The following BCL9L variants were observed in gnomAD, a reference collection of about 807,000 sequenced individuals.
BCL9L encodes B-cell CLL/lymphoma 9-like protein.
Under a neutral mutation model 99.4 loss-of-function variants are expected in BCL9L, and 19 were observed. The observed-to-expected ratio is 0.19, with a 90% CI of 0.13 to 0.28. The LOEUF is 0.28. Among genes scored for constraint, BCL9L ranks in the 10% least tolerant of loss-of-function variants. BCL9L has a pLI of 1.00. For synonymous variants in BCL9L, 900 were observed against 854.8 expected (o/e 1.05, Z -0.92); for missense variants, 2,023 against 2,101.6 (o/e 0.96, Z 0.73).
At chr11:118,920,859 A>G (rs1012413125) in intron 1 of BCL9L, among the ~76,000 whole-genome samples, 1 of 152,208 alleles carries the variant, frequency 6.6e-6, no homozygotes, top group African/African-American at 2.4e-5. Context: ...AAACTTCCCT[A>G]TCAAAGGGCA....
Position 118,914,971 on chromosome 11 carries a change from A to G in BCL9L, c.-77+3855T>C, listed in dbSNP as rs1940920547. On this transcript the variant is annotated intron_variant, in intron 2 of 9. Coordinates refer to ENST00000683865, the MANE Select transcript of BCL9L (RefSeq NM_001378213.1). This position sits in a 1 kb window ranked among gnomAD's most constrained non-coding sequence, Gnocchi z 4.4. ...GCCATGATGGTGAAACCCTGTCTCT[A>G]CTACAAACACAAAAATTATCCAGAC... 6.6e-6 allele frequency among the ~76,000 whole-genome samples: 1 copy of G among 152,188 alleles called. No individual in the cohort carries two copies. Among genetic ancestry groups the G allele is most frequent in the South Asian group, 2.1e-4 (1 of 4,828 alleles).
In BCL9L at chr11:118,908,772, G is replaced by A. The variant is rs569620836; in HGVS notation, c.27-117C>T. ...ATGGGGGAGGGTGGGGGGAAGGGGT[G>A]GTATCTCAAGACCACCACCAGCTAT... On this transcript the variant is annotated intron_variant, in intron 3 of 9. Transcript: ENST00000683865. 2.3e-5 allele frequency: 18 copies of A among 784,680 alleles called. No homozygotes were observed. The East Asian group carries it at 4.3e-4, about 19-fold the overall frequency. The allele number at this position is 784,680 out of a possible 1,614,324, so 48.6% of individuals were successfully genotyped here. A position where few individuals can be genotyped will look rare whatever the true frequency, so the allele number is the denominator to read the frequency against.
In BCL9L at chr11:118,902,656, T is replaced by C; in HGVS notation, c.1087A>G (p.Asn363Asp). The C allele has an allele frequency of 6.3e-7, 1 of 1,599,030 alleles. No homozygotes were observed. The highest frequency in any genetic ancestry group is 8.5e-7 in the Non-Finnish European group (1 of 1,179,632). Reference sequence around the variant, plus strand: ...GGGTCTCCTCCAGGAGGCAGAGGGTTGTTGGCGGTGGTAGCCGTCGGGGTG... The same window carrying C: ...GGGTCTCCTCCAGGAGGCAGAGGGTCGTTGGCGGTGGTAGCCGTCGGGGTG... ...PNTPTATTAN[N>D]PLPPGGDPSS... The change falls in exon 8 of 10, where the codon AAC (asparagine) becomes GAC (aspartate). Residue 363 changes from asparagine to aspartate, a missense_variant. By Grantham distance (23) the Asn-to-Asp change is conservative. This residue lies in a region of BCL9L where 1,116 missense variants were observed against 1,194.6 expected (regional missense o/e 0.93). Transcript: ENST00000683865. The surrounding 1 kb of genome is among the most constrained non-coding windows in gnomAD (Gnocchi z 7.8).
chr11:118,898,868 G>A lies in BCL9L; in HGVS notation c.4047C>T (p.Pro1349=). 4.3e-6 allele frequency: 7 copies of A among 1,614,094 alleles called. No individual in the cohort carries two copies. The highest frequency in any genetic ancestry group is 2.2e-5 in the South Asian group (2 of 91,088). The change falls in exon 10 of 10, where the codon CCC becomes CCT. Residue 1349 remains proline (P), a synonymous_variant. Coordinates refer to ENST00000683865, the MANE Select transcript of BCL9L (RefSeq NM_001378213.1). ...LQYFPKSENQ[P]PKAQPPNLHL... ...GCAGATTAGGGGGCTGAGCCTTGGGGGGCTGGTTCTCGCTCTTGGGGAAGT... is the reference window on the plus strand; with the variant it reads ...GCAGATTAGGGGGCTGAGCCTTGGGAGGCTGGTTCTCGCTCTTGGGGAAGT...
rs1940084467 is a variant in BCL9L at position 118,899,197 on chromosome 11, C to T, written c.3718G>A (p.Ala1240Thr). The change falls in exon 10 of 10, where the codon GCC becomes ACC. Residue 1240 changes from alanine to threonine, a missense_variant. By Grantham distance (58) the Ala-to-Thr change is moderately conservative. Around this residue, in one of 3 missense-constraint regions of BCL9L, gnomAD observed 902 missense variants for 888.2 expected, o/e 1.02. Transcript: ENST00000683865. Reference protein sequence around the residue: ...PRLQQPHGAMAPTGGGGGGPG... With the variant: ...PRLQQPHGAMTPTGGGGGGPG... ...CCCCCGCCCCCACCCCCAGTGGGGG[C>T]CATGGCACCATGGGGCTGCTGCAGC... 1.3e-6 allele frequency: 2 copies of T among 1,493,980 alleles called. No individual in the cohort carries two copies. The highest frequency in any genetic ancestry group is 1.8e-6 in the Non-Finnish European group (2 of 1,121,292). The allele number at this position is 1,493,980 out of a possible 1,614,324, so 92.5% of individuals were successfully genotyped here.
In BCL9L at chr11:118,900,836, C is replaced by T. The variant is rs142602207; in HGVS notation, c.2907G>A (p.Pro969=). The part of the protein sequence containing the change: ...SQMVPLPSAN[P]PGPLKSPQVL... Reference sequence around the variant, plus strand: ...CCTGGGGCGACTTGAGAGGTCCTGGCGGGTTGGCAGAAGGCAAGGGCACCA... The same window carrying T: ...CCTGGGGCGACTTGAGAGGTCCTGGTGGGTTGGCAGAAGGCAAGGGCACCA... Residue 969 remains proline, a synonymous_variant, in exon 8 of 10, where the codon CCG becomes CCA. Transcript: ENST00000683865. This position sits in a 1 kb window ranked among gnomAD's most constrained non-coding sequence, Gnocchi z 5.3. 33 of 1,612,910 alleles carry T rather than the reference C, an allele frequency of 2.0e-5. No homozygotes were observed. Among genetic ancestry groups the T allele is most frequent in the South Asian group, 1.8e-4 (16 of 91,052 alleles).
In BCL9L at chr11:118,925,107, C is replaced by T. The variant is rs1469243470; in HGVS notation, c.-131+131G>A. ...GGGGAGTCCCCCACACCTTAAACAG[C>T]CTGGGGGTACGTGCCAGAGAGCAAG... On this transcript the variant is annotated intron_variant, in intron 1 of 9. Coordinates refer to ENST00000683865, the MANE Select transcript of BCL9L (RefSeq NM_001378213.1). This position sits in a 1 kb window ranked among gnomAD's most constrained non-coding sequence, Gnocchi z 6.4. The T allele has an allele frequency of 6.6e-6, 1 of 152,380 alleles. No homozygotes were observed. The highest frequency in any genetic ancestry group is 1.5e-5 in the Non-Finnish European group (1 of 68,156). The allele number at this position is 152,380 out of a possible 1,614,324, so 9.4% of individuals were successfully genotyped here. A position where few individuals can be genotyped will look rare whatever the true frequency, so the allele number is the denominator to read the frequency against.
rs755771712 is a variant in BCL9L at position 118,901,154 on chromosome 11, C to A, written c.2589G>T (p.Met863Ile). ...QGPYQAMSQDMGNTQDMFSPD... is the reference protein window; with the variant it reads ...QGPYQAMSQDIGNTQDMFSPD... ...GGCTGAACATGTCTTGGGTATTGCCCATGTCCTGGGACATGGCTTGGTAGG... is the reference window on the plus strand; with the variant it reads ...GGCTGAACATGTCTTGGGTATTGCCAATGTCCTGGGACATGGCTTGGTAGG... The change falls in exon 8 of 10, where the codon ATG becomes ATT. Residue 863 changes from methionine to isoleucine, a missense_variant. Met to Ile is a conservative substitution (Grantham distance 10). Around this residue, in one of 3 missense-constraint regions of BCL9L, gnomAD observed 902 missense variants for 888.2 expected, o/e 1.02. Coordinates refer to ENST00000683865, the MANE Select transcript of BCL9L (RefSeq NM_001378213.1). The surrounding 1 kb of genome is among the most constrained non-coding windows in gnomAD (Gnocchi z 6.6). The A allele has an allele frequency of 6.2e-6, 10 of 1,613,854 alleles. No homozygotes were observed. The Admixed American group carries it at 1.5e-4, about 24-fold the overall frequency.
In BCL9L at chr11:118,899,172, C is replaced by T. The variant is rs772250366; in HGVS notation, c.3743G>A (p.Gly1248Glu). 1.3e-6 allele frequency: 2 copies of T among 1,482,398 alleles called. No individual in the cohort carries two copies. The highest frequency in any genetic ancestry group is 2.8e-5 in the South Asian group (2 of 72,036). The allele number at this position is 1,482,398 out of a possible 1,614,324, so 91.8% of individuals were successfully genotyped here. Residue 1248 changes from glycine to glutamate, a missense_variant, in exon 10 of 10, where the codon GGG becomes GAG. Gly to Glu is a moderately conservative substitution (Grantham distance 98). This residue lies in a region of BCL9L where 902 missense variants were observed against 888.2 expected (regional missense o/e 1.02). Transcript: ENST00000683865. ...CGGGTAGTGCTGCTGCAGGCCAGGC[C>T]CCCCGCCCCCACCCCCAGTGGGGGC... ...AMAPTGGGGG[G>E]PGLQQHYPSG...
In BCL9L at chr11:118,903,370, G is replaced by A. The variant is rs774782554; in HGVS notation, c.615C>T (p.Ser205=). The A allele has an allele frequency of 1.5e-5, 24 of 1,608,772 alleles. No individual in the cohort carries two copies. The highest frequency in any genetic ancestry group is 6.7e-5 in the East Asian group (3 of 44,750). ...GAGGGCCGTGCGGGGCGCCTGGCAC[G>A]CTGCTCTCGCTGAGGGGCAGTTGGG... is the stretch of plus-strand genomic sequence containing the variant. ...QTTQLPLSES[S]VPGAPHGPPP... The change falls in exon 6 of 10, where the codon AGC becomes AGT. Residue 205 remains serine, a synonymous_variant. Transcript: ENST00000683865. The surrounding 1 kb of genome is among the most constrained non-coding windows in gnomAD (Gnocchi z 5.6).
chr11:118,901,315 G>T lies in BCL9L; in HGVS notation c.2428C>A (p.Gln810Lys), dbSNP rs1940222695. 1 of 1,613,506 alleles carries T rather than the reference G, an allele frequency of 6.2e-7. No individual in the cohort carries two copies. Among genetic ancestry groups the T allele is most frequent in the Non-Finnish European group, 8.5e-7 (1 of 1,179,920 alleles). ...MRGPGDLMGP[Q>K]GLSPEEMARV... ...GCCATCTCCTCAGGACTGAGGCCCT[G>T]GGGCCCCATCAAGTCCCCAGGGCCC... is the stretch of plus-strand genomic sequence containing the variant. Residue 810 changes from glutamine (Q) to lysine (K), a missense_variant, in exon 8 of 10, where the codon CAG becomes AAG. Coordinates refer to ENST00000683865, the MANE Select transcript of BCL9L (RefSeq NM_001378213.1). This position sits in a 1 kb window ranked among gnomAD's most constrained non-coding sequence, Gnocchi z 6.6.
intron 4 of BCL9L, 61 bp downstream of exon 4, chr11:118,908,209 G>T: frequency 2.0e-6 from 3 of 1,506,054 alleles, no homozygotes. Context: ...TGATCTCCCA[G>T]AACATCTGAG....
At position 118,902,441 on chromosome 11, in the gene BCL9L, G is replaced by A. The variant is rs1470851520; in HGVS notation, c.1302C>T (p.Pro434=). 1.3e-6 allele frequency: 2 copies of A among 1,597,274 alleles called. No homozygotes were observed. The highest frequency in any genetic ancestry group is 1.1e-5 in the South Asian group (1 of 89,230). The part of the protein sequence containing the change: ...SGETEPFLKG[P]PGGAGEGGPP... ...GGCCCCCCTCACCCGCTCCTCCTGG[G>A]GGCCCCTTGAGGAAGGGCTCAGTCT... The change falls in exon 8 of 10, where the codon CCC becomes CCT. Residue 434 remains proline, a synonymous_variant. Coordinates refer to ENST00000683865, the MANE Select transcript of BCL9L (RefSeq NM_001378213.1). The surrounding 1 kb of genome is among the most constrained non-coding windows in gnomAD (Gnocchi z 7.8).
At chr11:118,910,075 A>G in intron 2 of BCL9L, 60 bp from the exon 3 acceptor site, 4 of 1,170,836 alleles carry the variant, frequency 3.4e-6, no homozygotes, top group Admixed American at 2.1e-5. Context: ...TCAGAGGGGG[A>G]GGGGAGAAGG....
rs1260502537 is a variant in BCL9L at position 118,901,269 on chromosome 11, C to G, written c.2474G>C (p.Ser825Thr). The G allele has an allele frequency of 6.2e-7, 1 of 1,613,930 alleles. No homozygotes were observed. The highest frequency in any genetic ancestry group is 8.5e-7 in the Non-Finnish European group (1 of 1,179,994). The stretch of plus-strand genomic sequence containing the variant: ...CTGCGGGCCGCCCATCACGCCACTG[C>G]TGTTCTGGGCCCGAACCCGGGCCAT... Reference protein sequence around the residue: ...EEMARVRAQNSSGVMGGPQKM... With the variant: ...EEMARVRAQNTSGVMGGPQKM... Residue 825 changes from serine (S) to threonine (T), a missense_variant, in exon 8 of 10, where the codon AGC (serine) becomes ACC (threonine). By Grantham distance (58) the Ser-to-Thr change is moderately conservative. Around this residue, in one of 3 missense-constraint regions of BCL9L, gnomAD observed 1,116 missense variants for 1,194.6 expected, o/e 0.93. Coordinates refer to ENST00000683865, the MANE Select transcript of BCL9L (RefSeq NM_001378213.1). The surrounding 1 kb of genome is among the most constrained non-coding windows in gnomAD (Gnocchi z 6.6).
At chr11:118,909,519 G>T (rs1051709821) in intron 3 of BCL9L, among the ~76,000 whole-genome samples, 1 of 152,312 alleles carries the variant, frequency 6.6e-6, no homozygotes, top group African/African-American at 2.4e-5. Context: ...TCTCCGGGGA[G>T]GGGGGAGGGA....
intron 1 of BCL9L, among the ~76,000 whole-genome samples, chr11:118,919,130 C>A (rs1229049280): frequency 1.5e-5 from 2 of 137,276 alleles, no homozygotes; most frequent in South Asian, 2.6e-4. Context: ...CCCCCCAACC[C>A]CCGCCCACCA....
At chr11:118,920,035 G>T (rs1351501346) in intron 1 of BCL9L, among the ~76,000 whole-genome samples, 1 of 152,150 alleles carries the variant, frequency 6.6e-6, no homozygotes, top group Non-Finnish European at 1.5e-5. Flanking sequence ...CTGGGGGTGG[G>T]GACGTAAAAG....
rs1940503980 is a variant in BCL9L at position 118,905,981 on chromosome 11, T to C, written c.532+1502A>G. On this transcript the variant is annotated intron_variant, in intron 5 of 9. Coordinates refer to ENST00000683865, the MANE Select transcript of BCL9L (RefSeq NM_001378213.1). ...TCCAGCACTTTGGGAGGCCAAGGCA[T>C]GAGGATCGCTTGAGACCAGGAGTTC... is the stretch of plus-strand genomic sequence containing the variant. Among the ~76,000 whole-genome samples, 3 of 152,096 alleles carry C rather than the reference T, an allele frequency of 2.0e-5. No individual in the cohort carries two copies. The South Asian group carries it at 6.2e-4, about 32-fold the overall frequency.
Sources: gnomAD v4.1 joint callset for allele counts (sites outside exome capture counted in the v4.1 genomes callset) on GRCh38, gnomAD v4.1.1 for gene constraint, gnomAD v4.1.1 regional missense constraint, Gnocchi (gnomAD v3.1) non-coding constraint, MANE v1.5 for transcripts, NCBI Gene and HGNC (gene_info 2026-07-23, HGNC 2026-07-21) for gene names.